Variants in SIRT7 observed in about 807,000 individuals in gnomAD.
The protein encoded by SIRT7 is NAD-dependent protein deacetylase sirtuin-7.
A neutral mutation model predicts 42.8 loss-of-function variants in SIRT7; 32 were observed. That is an observed-to-expected ratio of 0.75 (90% CI 0.56 to 1.00). The LOEUF is 1.00. SIRT7 is among the 50% of genes least tolerant of loss of function. The probability of loss-of-function intolerance (pLI) is 0.00; values close to 1 mark genes in which losing one functional copy is unlikely to be tolerated. For missense variants in SIRT7, 553 were observed against 572.2 expected (o/e 0.97, Z 0.34); for synonymous variants, 297 against 245.2 (o/e 1.21, Z -1.97).
Position 81,915,422 on chromosome 17 carries a change from G to C in SIRT7, c.480+18C>G. 6.2e-7 allele frequency: 1 copy of C among 1,609,646 alleles called. No individual in the cohort carries two copies. The highest frequency in any genetic ancestry group is 8.5e-7 in the Non-Finnish European group (1 of 1,177,920). On this transcript the variant is annotated intron_variant, in intron 5 of 9. Transcript: ENST00000328666. ...TGCCTGGTCCCTGGCAAGTGTACCAGCCACCCAGGGCTCTTACCAGCTTCT... is the reference window on the plus strand; with the variant it reads ...TGCCTGGTCCCTGGCAAGTGTACCACCCACCCAGGGCTCTTACCAGCTTCT...
In SIRT7 at chr17:81,914,703, C is replaced by G; in HGVS notation, c.481-1G>C. 1 of 1,612,234 alleles carries G rather than the reference C, an allele frequency of 6.2e-7. No homozygotes were observed. Among genetic ancestry groups the G allele is most frequent in the Non-Finnish European group, 8.5e-7 (1 of 1,179,832 alleles). On this transcript the variant is annotated splice_acceptor_variant, in intron 5 of 9. Transcript: ENST00000328666. LOFTEE classifies it high-confidence loss of function. ...AGTTCTGAGACACCACATGCTGCAC[C>G]TGGAAGGCAGAACGGGTGGCAAGGG...
chr17:81,912,341 C>G lies in SIRT7; in HGVS notation c.*75G>C. 1 of 1,571,118 alleles carries G rather than the reference C, an allele frequency of 6.4e-7. No homozygotes were observed. The highest frequency in any genetic ancestry group is 8.8e-7 in the Non-Finnish European group (1 of 1,141,724). ...CCCAAAGAGTTCGTTCTCCCTAGAC[C>G]CGTGGGGGCAACCCAGCCTTCACCG... On this transcript the variant is annotated 3_prime_UTR_variant, in exon 10 of 10. Transcript: ENST00000328666.
Position 81,917,605 on chromosome 17 carries a change from C to T in SIRT7, c.336+10G>A, listed in dbSNP as rs776179504. 4 of 1,591,014 alleles carry T rather than the reference C, an allele frequency of 2.5e-6. No homozygotes were observed. Among genetic ancestry groups the T allele is most frequent in the African/African-American group, 2.7e-5 (2 of 74,126 alleles). ...TCCGTCCTGGGGTACGCCTCCGCCT[C>T]CCTCCCTACCGTGCTGATTCCCGCG... On this transcript the variant is annotated intron_variant, in intron 3 of 9. Transcript: ENST00000328666.
rs1460708973 is a variant in SIRT7 at position 81,915,683 on chromosome 17, T to G, written c.337-2A>C. ...CCGGTAGTCTGGGATAGACGCTGCC[T>G]GCATGTCGAGAAAAAAGGTAAGCCA... On this transcript the variant is annotated splice_acceptor_variant, in intron 3 of 9. Coordinates refer to ENST00000328666, the MANE Select transcript of SIRT7 (RefSeq NM_016538.3). LOFTEE classifies it high-confidence loss of function. 1.2e-6 allele frequency: 2 copies of G among 1,613,704 alleles called. No homozygotes were observed. The highest frequency in any genetic ancestry group is 1.7e-6 in the Non-Finnish European group (2 of 1,179,938).
In SIRT7 at chr17:81,913,112, G is replaced by A. The variant is rs930059925; in HGVS notation, c.1005-498C>T. On this transcript the variant is annotated intron_variant, in intron 9 of 9. Transcript: ENST00000328666. This position sits in a 1 kb window ranked among gnomAD's most constrained non-coding sequence, Gnocchi z 5.0. ...ACCACAGATCATAACTTAAGATACA[G>A]ATACGCACTGATAAGGAAAATGAGC... 1 of 367,826 alleles carries A rather than the reference G, an allele frequency of 2.7e-6. No homozygotes were observed. The allele number at this position is 367,826 out of a possible 1,614,324, so 22.8% of individuals were successfully genotyped here.
chr17:81,918,016 G>A (rs767439648), intron 1 of SIRT7, 23 bp downstream of exon 1: 61 of 1,417,288 alleles, frequency 4.3e-5, no homozygotes, highest in Non-Finnish European at 5.5e-5. Context: ...GCATGGCCGG[G>A]CCGGGGAGCG....
chr17:81,913,827 G>A lies in SIRT7; in HGVS notation c.951C>T (p.Asp317=), dbSNP rs182545128. ...AALKLHGKCD[D]VMRLLMAELG... ...GCTCGGCCATGAGGAGCCGCATGACGTCATCACACTTCCCATGTAGCTTCA... is the reference window on the plus strand; with the variant it reads ...GCTCGGCCATGAGGAGCCGCATGACATCATCACACTTCCCATGTAGCTTCA... The change falls in exon 9 of 10, where the codon GAC becomes GAT. Residue 317 remains aspartate, a synonymous_variant. Transcript: ENST00000328666. The surrounding 1 kb of genome is among the most constrained non-coding windows in gnomAD (Gnocchi z 5.0). 6.5e-6 allele frequency: 10 copies of A among 1,550,348 alleles called. No individual in the cohort carries two copies. Among genetic ancestry groups the A allele is most frequent in the South Asian group, 4.8e-5 (4 of 84,094 alleles).
Position 81,917,952 on chromosome 17 carries a change from T to C in SIRT7, c.109A>G (p.Arg37Gly). 7.3e-7 allele frequency: 1 copy of C among 1,373,900 alleles called. No homozygotes were observed. The highest frequency in any genetic ancestry group is 9.4e-7 in the Non-Finnish European group (1 of 1,067,022). 85.1% of individuals were successfully genotyped at this position (1,373,900 alleles called of 1,614,324 possible). A position where few individuals can be genotyped will look rare whatever the true frequency, so the allele number is the denominator to read the frequency against. Reference protein sequence around the residue: ...ERLRQVSRILRKAAAERSAEE... With the variant: ...ERLRQVSRILGKAAAERSAEE... ...GCGCTGCGCTCCGCCGCCGCCTTCC[T>C]CAGGATGCGCGACACCTGCGGGCAG... The change falls in exon 2 of 10, where the codon AGG (arginine) becomes GGG (glycine). Residue 37 changes from arginine (R) to glycine (G), a missense_variant. Coordinates refer to ENST00000328666, the MANE Select transcript of SIRT7 (RefSeq NM_016538.3).
chr17:81,917,429 A>T, intron 3 of SIRT7, 186 bp downstream of exon 3: 1 of 501,688 alleles, frequency 2.0e-6, no homozygotes, highest in Non-Finnish European at 3.3e-6. Context: ...TCGTATCTCT[A>T]CTCCTTGTTT....
intron 9 of SIRT7, chr17:81,912,946 T>C: frequency 2.4e-6 from 1 of 416,560 alleles, no homozygotes; most frequent in Non-Finnish European, 4.5e-6. Context: ...CAGGGATGAG[T>C]CACTAGCAAC....
rs753208398 is a variant in SIRT7, at chr17:81,912,570, C to CCAG, written c.1046_1048dup (p.Ala349dup). The CCAG allele has an allele frequency of 1.2e-6, 2 of 1,613,578 alleles. No individual in the cohort carries two copies. Among genetic ancestry groups the CCAG allele is most frequent in the Non-Finnish European group, 1.7e-6 (2 of 1,180,006 alleles). ...CTTCCGACTGTGGCTGCCTTCTTCA[C>CCAG]CAGCACGCAGGGGAGTCGCCAGTGA... On this transcript the variant is annotated inframe_insertion, in exon 10 of 10. Transcript: ENST00000328666.
rs1275064577 is a variant in SIRT7, at chr17:81,912,156, G to C, written c.*260C>G. The C allele has an allele frequency of 7.3e-6, 4 of 545,014 alleles. No homozygotes were observed. Among genetic ancestry groups the C allele is most frequent in the Non-Finnish European group, 1.3e-5 (4 of 304,204 alleles). 33.8% of individuals were successfully genotyped at this position (545,014 alleles called of 1,614,324 possible). A position where few individuals can be genotyped will look rare whatever the true frequency, so the allele number is the denominator to read the frequency against. On this transcript the variant is annotated 3_prime_UTR_variant, in exon 10 of 10. Coordinates refer to ENST00000328666, the MANE Select transcript of SIRT7 (RefSeq NM_016538.3). ...CTGCAGGCCGGGGCTGAAATAACCC[G>C]AGTTCCGTTCTCACAGAAAGGTGCG...
At chr17:81,918,000 G>A (rs1214460382) in intron 1 of SIRT7, 33 bp from the exon 2 acceptor site, 4 of 1,348,476 alleles carry the variant, frequency 3.0e-6, no homozygotes, top group Middle Eastern at 2.7e-4. Flanking sequence ...CGGCGGCGCG[G>A]GCCGGGCATG....
rs1256060919 is a variant in SIRT7 at position 81,912,219 on chromosome 17, GTCC to G, written c.*194_*196del. On this transcript the variant is annotated 3_prime_UTR_variant, in exon 10 of 10. Coordinates refer to ENST00000328666, the MANE Select transcript of SIRT7 (RefSeq NM_016538.3). ...TGACACAGAGGCCGGATGGGCAGGT[GTCC>G]TCGATGGCCAGGCCGTATCAGGGTA... 1 of 650,010 alleles carries G rather than the reference GTCC, an allele frequency of 1.5e-6. No individual in the cohort carries two copies. Among genetic ancestry groups the G allele is most frequent in the Non-Finnish European group, 2.7e-6 (1 of 376,778 alleles). The allele number at this position is 650,010 out of a possible 1,614,324, so 40.3% of individuals were successfully genotyped here.
chr17:81,914,075 C>T lies in SIRT7; in HGVS notation c.897+12G>A, dbSNP rs562033614. 5 of 1,613,288 alleles carry T rather than the reference C, an allele frequency of 3.1e-6. No homozygotes were observed. The African/African-American group carries it at 6.7e-5, about 21-fold the overall frequency. ...CCAGATCTAAGGACGTGGCTCTCAG[C>T]ACCCGAGTTACCTGCAGGTTCACGA... On this transcript the variant is annotated intron_variant, in intron 8 of 9. Transcript: ENST00000328666.
intron 3 of SIRT7, 180 bp downstream of exon 3, chr17:81,917,435 T>A: frequency 1.9e-6 from 1 of 523,320 alleles, no homozygotes; most frequent in Non-Finnish European, 3.2e-6. Flanking sequence ...CTCTACTCCT[T>A]GTTTTTTTTA....
rs1239052086 is a variant in SIRT7, at chr17:81,912,052, T to G, written c.*364A>C. The stretch of plus-strand genomic sequence containing the variant: ...AGGATTCTATAAAGTTCACACTTTT[T>G]CATTAAGTAGTAGTAGAAATACGGT... On this transcript the variant is annotated 3_prime_UTR_variant, in exon 10 of 10. Transcript: ENST00000328666. The G allele has an allele frequency of 2.9e-6, 1 of 349,976 alleles. No homozygotes were observed. The highest frequency in any genetic ancestry group is 5.3e-6 in the Non-Finnish European group (1 of 186,960). The allele number at this position is 349,976 out of a possible 1,614,324, so 21.7% of individuals were successfully genotyped here.
At position 81,917,602 on chromosome 17, in the gene SIRT7, C is replaced by A; in HGVS notation, c.336+13G>T. 2 of 1,586,826 alleles carry A rather than the reference C, an allele frequency of 1.3e-6. No individual in the cohort carries two copies. The highest frequency in any genetic ancestry group is 1.7e-5 in the Admixed American group (1 of 58,176). On this transcript the variant is annotated intron_variant, in intron 3 of 9. Coordinates refer to ENST00000328666, the MANE Select transcript of SIRT7 (RefSeq NM_016538.3). ...TACTCCGTCCTGGGGTACGCCTCCG[C>A]CTCCCTCCCTACCGTGCTGATTCCC...
rs899233194 is a variant in SIRT7 at position 81,914,768 on chromosome 17, G to A, written c.481-66C>T. 105 of 1,349,370 alleles carry A rather than the reference G, an allele frequency of 7.8e-5. 2 individuals carry two copies. Among genetic ancestry groups the A allele is most frequent in the South Asian group, 6.9e-4 (59 of 85,352 alleles). 83.6% of individuals were successfully genotyped at this position (1,349,370 alleles called of 1,614,324 possible). A position where few individuals can be genotyped will look rare whatever the true frequency, so the allele number is the denominator to read the frequency against. On this transcript the variant is annotated intron_variant, in intron 5 of 9. Coordinates refer to ENST00000328666, the MANE Select transcript of SIRT7 (RefSeq NM_016538.3). The stretch of plus-strand genomic sequence containing the variant: ...AGTGGTGGTGGGGAGGTCAGTACCC[G>A]GCCACAGCGAGGCTGTTCTGAGCCC...
Sources: gnomAD v4.1 joint callset for allele counts on GRCh38, gnomAD v4.1.1 for gene constraint, Gnocchi (gnomAD v3.1) non-coding constraint, MANE v1.5 for transcripts, NCBI Gene and HGNC (gene_info 2026-07-23, HGNC 2026-07-21) for gene names.